The following NUMB variants were observed in gnomAD, a reference collection of about 807,000 sequenced individuals.
The protein encoded by NUMB is protein numb homolog.
In NUMB, 29 loss-of-function variants were observed where a neutral mutation model predicts 59.7. The ratio of observed to expected loss-of-function variants is 0.49; its 90% CI spans 0.36 to 0.66. The LOEUF (loss-of-function observed/expected upper bound fraction) is 0.66. Ranked by LOEUF, NUMB falls within the 30% of genes least tolerant of loss-of-function variation. The probability of loss-of-function intolerance (pLI) is 0.00; values close to 1 mark genes in which losing one functional copy is unlikely to be tolerated. For synonymous variants in NUMB, 288 were observed against 288.2 expected (o/e 1.00, Z 0.01); for missense variants, 723 against 822.0 (o/e 0.88, Z 1.47).
intron 2 of NUMB, among the ~76,000 whole-genome samples, chr14:73,395,899 T>C (rs1566778365): frequency 6.6e-6 from 1 of 152,234 alleles, no homozygotes; most frequent in Non-Finnish European, 1.5e-5. Context: ...AATGGCTAGA[T>C]GGATACAGAC....
In NUMB at chr14:73,342,429, G is replaced by T. The variant is rs898476366; in HGVS notation, c.126+13197C>A. On this transcript the variant is annotated intron_variant, in intron 4 of 12. Transcript: ENST00000555238. The stretch of plus-strand genomic sequence containing the variant: ...GGCAGCTTTGAAATGAAACATTATT[G>T]TAGGTGCAGAAGATTGTCACACAGG... 2.6e-5 allele frequency among the ~76,000 whole-genome samples: 4 copies of T among 152,184 alleles called. No individual in the cohort carries two copies. In the South Asian group the frequency reaches 8.3e-4, roughly 32 times the overall value.
At chr14:73,333,991 A>G (rs1423842233) in intron 4 of NUMB, among the ~76,000 whole-genome samples, 1 of 151,872 alleles carries the variant, frequency 6.6e-6, no homozygotes, top group Non-Finnish European at 1.5e-5. Flanking sequence ...CAGCCTCCCA[A>G]GTAGCTGGGA....
At chr14:73,353,469 C>A (rs1023981576) in intron 4 of NUMB, among the ~76,000 whole-genome samples, 3 of 150,872 alleles carry the variant, frequency 2.0e-5, no homozygotes, top group African/African-American at 7.3e-5. Context: ...CTTAGGATGA[C>A]CACTTATGCC....
At position 73,313,197 on chromosome 14, in the gene NUMB, T is replaced by C. The variant is rs543871603; in HGVS notation, c.234+3193A>G. On this transcript the variant is annotated intron_variant, in intron 6 of 12. Coordinates refer to ENST00000555238, the MANE Select transcript of NUMB (RefSeq NM_001005743.2). The stretch of plus-strand genomic sequence containing the variant: ...TAGAGAAGGGATTTCACCCTGTTGG[T>C]CAGGCTGGTCTTGAACTCCTGACCT... Among the ~76,000 whole-genome samples, 6 of 152,026 alleles carry C rather than the reference T, an allele frequency of 3.9e-5. No homozygotes were observed. In the East Asian group the frequency reaches 1.2e-3, roughly 29 times the overall value.
At chr14:73,440,849 AAG>A (rs1883013439) in intron 1 of NUMB, among the ~76,000 whole-genome samples, 1 of 149,100 alleles carries the variant, frequency 6.7e-6, no homozygotes, top group Non-Finnish European at 1.5e-5. Flanking sequence ...AAAAAAAAAA[AAG>A]GACTTGAGCC....
chr14:73,326,509 T>G (rs1891670299), intron 4 of NUMB, among the ~76,000 whole-genome samples: 1 of 151,674 alleles, frequency 6.6e-6, no homozygotes, highest in African/African-American at 2.4e-5. Flanking sequence ...CGCCTGTAAT[T>G]CCAGCTCCTC....
At chr14:73,388,690 C>T (rs1213115403) in intron 2 of NUMB, among the ~76,000 whole-genome samples, 1 of 152,144 alleles carries the variant, frequency 6.6e-6, no homozygotes, top group Non-Finnish European at 1.5e-5. Context: ...AGGCTGAGTG[C>T]GGTAGCTCAC....
intron 2 of NUMB, among the ~76,000 whole-genome samples, chr14:73,374,986 G>A (rs1894880830): frequency 6.6e-6 from 1 of 152,106 alleles, no homozygotes; most frequent in Non-Finnish European, 1.5e-5. Context: ...CACCCAAAGT[G>A]CGTGAGCCAC....
intron 4 of NUMB, 116 bp downstream of exon 4, chr14:73,355,510 G>A: frequency 6.3e-6 from 5 of 797,980 alleles, no homozygotes; most frequent in East Asian, 5.8e-5. Context: ...GAAGCAGAAT[G>A]TGAAGGGATT....
At chr14:73,325,460 C>A (rs542896222) in intron 4 of NUMB, among the ~76,000 whole-genome samples, 71 of 152,188 alleles carry the variant, frequency 4.7e-4, no homozygotes, top group African/African-American at 1.6e-3. Flanking sequence ...TCTCTAAAAA[C>A]CAAAATGAAA....
At chr14:73,304,794 C>T (rs1046188723) in intron 6 of NUMB, among the ~76,000 whole-genome samples, 2 of 152,092 alleles carry the variant, frequency 1.3e-5, no homozygotes, top group East Asian at 1.9e-4. Context: ...GAGTCTTGCT[C>T]TGTCGCCCAT....
chr14:73,440,744 T>C (rs1307754269), intron 1 of NUMB, among the ~76,000 whole-genome samples: 1 of 143,468 alleles, frequency 7.0e-6, no homozygotes, highest in East Asian at 2.0e-4. Context: ...GGCAGAATAG[T>C]ATGAAACCGG....
intron 1 of NUMB, among the ~76,000 whole-genome samples, chr14:73,443,366 C>T (rs1883209077): frequency 1.3e-5 from 2 of 151,956 alleles, no homozygotes; most frequent in Admixed American, 6.6e-5. Flanking sequence ...GAGGCTGAGG[C>T]GGGTGGATCA....
chr14:73,374,244 T>C (rs1894842513), intron 2 of NUMB, among the ~76,000 whole-genome samples: 1 of 152,112 alleles, frequency 6.6e-6, no homozygotes, highest in East Asian at 1.9e-4. Context: ...GGTCTCAAAC[T>C]CCTGGCCTCA....
At chr14:73,390,158 T>C (rs1051946626) in intron 2 of NUMB, among the ~76,000 whole-genome samples, 2 of 152,206 alleles carry the variant, frequency 1.3e-5, no homozygotes, top group Non-Finnish European at 2.9e-5. Flanking sequence ...ATGTTCATTG[T>C]AATACCATTT....
intron 4 of NUMB, among the ~76,000 whole-genome samples, chr14:73,329,582 G>C (rs970875914): frequency 6.6e-6 from 1 of 152,144 alleles, no homozygotes; most frequent in African/African-American, 2.4e-5. Context: ...TACGCAAAGT[G>C]TTTAGTATGT....
chr14:73,371,249 A>G lies in NUMB; in HGVS notation c.-100-4268T>C, dbSNP rs567681080. The stretch of plus-strand genomic sequence containing the variant: ...TCAGTACCAATGTTAAATTTACTAT[A>G]TAACAGCCGGGCTCAGTGGCTCACG... On this transcript the variant is annotated intron_variant, in intron 2 of 12. Transcript: ENST00000555238. Among the ~76,000 whole-genome samples, 36 of 152,274 alleles carry G rather than the reference A, an allele frequency of 2.4e-4. No individual in the cohort carries two copies. The East Asian group carries it at 5.8e-3, about 24-fold the overall frequency.
At chr14:73,406,076 A>G (rs1160000109) in intron 2 of NUMB, among the ~76,000 whole-genome samples, 1 of 134,856 alleles carries the variant, frequency 7.4e-6, no homozygotes, top group Non-Finnish European at 1.5e-5. Flanking sequence ...TCTCCACAGA[A>G]TATTAACATA....
At chr14:73,451,871 T>C (rs1884003185) in intron 1 of NUMB, among the ~76,000 whole-genome samples, 1 of 152,190 alleles carries the variant, frequency 6.6e-6, no homozygotes, top group African/African-American at 2.4e-5. Context: ...ATGTTCCAAA[T>C]TAACTATAAT....
Sources: gnomAD v4.1 joint callset for allele counts (sites outside exome capture counted in the v4.1 genomes callset) on GRCh38, gnomAD v4.1.1 for gene constraint, MANE v1.5 for transcripts, NCBI Gene and HGNC (gene_info 2026-07-23, HGNC 2026-07-21) for gene names.